LRRTM3: variants seen among roughly 807,000 people sequenced by gnomAD.
LRRTM3 encodes the protein leucine rich repeat transmembrane neuronal 3.
A neutral mutation model predicts 44.7 loss-of-function variants in LRRTM3; 24 were observed. The observed-to-expected ratio is 0.54, with a 90% CI of 0.39 to 0.76. The LOEUF (loss-of-function observed/expected upper bound fraction) is 0.76, where lower values mean the gene tolerates loss of function less well. Ranked by LOEUF, LRRTM3 falls within the 30% of genes least tolerant of loss-of-function variation. The pLI is 0.00. For synonymous variants in LRRTM3, 277 were observed against 278.7 expected (o/e 0.99, Z 0.06); for missense variants, 587 against 702.2 (o/e 0.84, Z 1.85).
rs1158966677 is a variant in LRRTM3 at position 67,097,598 on chromosome 10, A to C, written c.1548A>C (p.Ser516=). The C allele has an allele frequency of 1.9e-6, 3 of 1,612,118 alleles. No homozygotes were observed. Among genetic ancestry groups the C allele is most frequent in the Non-Finnish European group, 2.5e-6 (3 of 1,178,744 alleles). The change falls in exon 3 of 3, where the codon TCA becomes TCC. Residue 516 remains serine (S), a synonymous_variant. Coordinates refer to ENST00000361320, the MANE Select transcript of LRRTM3 (RefSeq NM_178011.5). ...TCATTTTTCCCCAGATACCTTTATC[A>C]ATGAATGTGTCAACCTTTCTGGCAT... The part of the protein sequence containing the change: ...SGSRECEIPL[S]MNVSTFLAYD...
rs973242801 is a variant in LRRTM3, at chr10:67,070,023, T to C, written c.1537-27564T>C. On this transcript the variant is annotated intron_variant, in intron 2 of 2. Transcript: ENST00000361320. ...CATTTATACACCCACTAGCAGACCATGAGAACTTCCATTGCTCTACATCGT... is the reference window on the plus strand; with the variant it reads ...CATTTATACACCCACTAGCAGACCACGAGAACTTCCATTGCTCTACATCGT... Among the ~76,000 whole-genome samples, 7 of 152,356 alleles carry C rather than the reference T, an allele frequency of 4.6e-5. No individual in the cohort carries two copies. In the South Asian group the frequency reaches 1.4e-3, roughly 32 times the overall value.
chr10:66,984,357 G>A (rs1420457863), intron 2 of LRRTM3, among the ~76,000 whole-genome samples: 2 of 152,174 alleles, frequency 1.3e-5, no homozygotes, highest in Non-Finnish European at 2.9e-5. Context: ...AAATTAGAGT[G>A]ATGGGGGAAC....
intron 2 of LRRTM3, among the ~76,000 whole-genome samples, chr10:67,051,372 T>G (rs764625562): frequency 2.6e-5 from 4 of 152,244 alleles, no homozygotes; most frequent in Admixed American, 6.5e-5. Flanking sequence ...GATATTTCAA[T>G]TGATCTATTT....
At chr10:67,092,768 T>A (rs1857733248) in intron 2 of LRRTM3, among the ~76,000 whole-genome samples, 1 of 151,994 alleles carries the variant, frequency 6.6e-6, no homozygotes, top group Non-Finnish European at 1.5e-5. Context: ...ATAGCATTGA[T>A]GTTGATACGA....
intron 2 of LRRTM3, among the ~76,000 whole-genome samples, chr10:67,063,326 CCTGA>C (rs1855873324): frequency 6.6e-6 from 1 of 152,044 alleles, no homozygotes; most frequent in African/African-American, 2.4e-5. Flanking sequence ...AACAACATAG[CCTGA>C]GATAGGACAA....
chr10:67,016,770 C>T (rs1275693379), intron 2 of LRRTM3, among the ~76,000 whole-genome samples: 1 of 152,074 alleles, frequency 6.6e-6, no homozygotes, highest in Non-Finnish European at 1.5e-5. Context: ...TGTGAGGCTT[C>T]CTTGCTTTCT....
intron 2 of LRRTM3, among the ~76,000 whole-genome samples, chr10:67,048,741 G>A (rs1309823522): frequency 6.6e-6 from 1 of 151,968 alleles, no homozygotes; most frequent in Non-Finnish European, 1.5e-5. Flanking sequence ...GCAAAGTGAG[G>A]TAGACAACAG....
At chr10:67,027,480 G>C (rs1309643191) in intron 2 of LRRTM3, among the ~76,000 whole-genome samples, 3 of 143,154 alleles carry the variant, frequency 2.1e-5, no homozygotes, top group Admixed American at 7.4e-5. Flanking sequence ...TGTCACCCAG[G>C]CTGGAGTGCA....
intron 2 of LRRTM3, among the ~76,000 whole-genome samples, chr10:67,047,774 C>T (rs1854844529): frequency 6.6e-6 from 1 of 152,066 alleles, no homozygotes; most frequent in Admixed American, 6.5e-5. Flanking sequence ...CTAGCATTAA[C>T]AGGTGGCTTT....
At chr10:67,089,022 T>C (rs1008171552) in intron 2 of LRRTM3, among the ~76,000 whole-genome samples, 2 of 152,066 alleles carry the variant, frequency 1.3e-5, no homozygotes, top group Non-Finnish European at 2.9e-5. Context: ...TTATGAGTAA[T>C]CTACAGGTGA....
chr10:67,096,765 AAGGGAG>A (rs1858018718), intron 2 of LRRTM3, among the ~76,000 whole-genome samples: 1 of 151,776 alleles, frequency 6.6e-6, no homozygotes, highest in Admixed American at 6.6e-5. Flanking sequence ...TTTAGTTGGC[AAGGGAG>A]TCCCTTCCTC....
At chr10:66,982,755 G>A (rs1413774981) in intron 2 of LRRTM3, among the ~76,000 whole-genome samples, 1 of 152,168 alleles carries the variant, frequency 6.6e-6, no homozygotes, top group Non-Finnish European at 1.5e-5. Flanking sequence ...GAAAAGAAAA[G>A]TAGCAAATAG....
intron 2 of LRRTM3, among the ~76,000 whole-genome samples, chr10:66,946,844 T>C (rs1848298704): frequency 6.6e-6 from 1 of 152,146 alleles, no homozygotes. Context: ...AAGTTCTTGA[T>C]AAACTTCTTT....
chr10:67,080,076 C>T (rs1018012090), intron 2 of LRRTM3, among the ~76,000 whole-genome samples: 1 of 152,050 alleles, frequency 6.6e-6, no homozygotes, highest in African/African-American at 2.4e-5. Flanking sequence ...TGCTGGGATC[C>T]AAAGAGGCAG....
At chr10:67,091,949 C>T (rs1283875628) in intron 2 of LRRTM3, among the ~76,000 whole-genome samples, 1 of 151,866 alleles carries the variant, frequency 6.6e-6, no homozygotes, top group East Asian at 1.9e-4. Flanking sequence ...GACTGAAATG[C>T]CTATTTCTTA....
chr10:66,953,821 G>A (rs1848659423), intron 2 of LRRTM3, among the ~76,000 whole-genome samples: 1 of 152,072 alleles, frequency 6.6e-6, no homozygotes, highest in African/African-American at 2.4e-5. Context: ...TGTAGGCCAG[G>A]TTCTAGAGAC....
intron 2 of LRRTM3, among the ~76,000 whole-genome samples, chr10:66,961,329 T>A (rs927206042): frequency 2.0e-5 from 3 of 152,130 alleles, no homozygotes; most frequent in African/African-American, 4.8e-5. Context: ...AGGCCATCAA[T>A]AAACTCCACA....
chr10:67,091,721 T>C (rs576251313), intron 2 of LRRTM3, among the ~76,000 whole-genome samples: 3 of 152,150 alleles, frequency 2.0e-5, no homozygotes, highest in Non-Finnish European at 2.9e-5. Context: ...CTGTCATTGA[T>C]GTCAAGAAAG....
intron 2 of LRRTM3, among the ~76,000 whole-genome samples, chr10:67,053,464 A>G (rs1398418018): frequency 6.6e-6 from 1 of 152,218 alleles, no homozygotes. Flanking sequence ...ATTTTAGATT[A>G]TATTTGCCAG....
Sources: gnomAD v4.1 joint callset for allele counts (sites outside exome capture counted in the v4.1 genomes callset) on GRCh38, gnomAD v4.1.1 for gene constraint, MANE v1.5 for transcripts, NCBI Gene and HGNC (gene_info 2026-07-23, HGNC 2026-07-21) for gene names.